SLC22A25: variants seen among roughly 807,000 people sequenced by gnomAD.
The protein encoded by SLC22A25 is solute carrier family 22 member 25.
SLC22A25 carries 44 observed loss-of-function variants against 45.9 expected under a neutral mutation model. The ratio of observed to expected loss-of-function variants is 0.96; its 90% CI spans 0.75 to 1.23. The LOEUF is 1.23. Ranked by LOEUF, SLC22A25 falls within the 50% of genes most tolerant of loss-of-function variation. SLC22A25 has a pLI of 0.00. For synonymous variants in SLC22A25, 283 were observed against 238.6 expected (o/e 1.19, Z -1.72); for missense variants, 800 against 666.4 (o/e 1.20, Z -2.21).
chr11:63,169,871 G>A (rs1465419849), intron 9 of SLC22A25, among the ~76,000 whole-genome samples: 1 of 152,120 alleles, frequency 6.6e-6, no homozygotes, highest in Non-Finnish European at 1.5e-5. Context: ...ATTCTTCTCA[G>A]CACCACATCG....
intron 9 of SLC22A25, among the ~76,000 whole-genome samples, chr11:63,179,113 T>G (rs540131227): frequency 3.9e-5 from 6 of 151,946 alleles, no homozygotes; most frequent in Non-Finnish European, 2.9e-5. Flanking sequence ...AGGGCCATGA[T>G]GCCCGGCTAA....
chr11:63,232,137 A>G (rs553464527), intron 3 of SLC22A25, among the ~76,000 whole-genome samples: 1 of 152,260 alleles, frequency 6.6e-6, no homozygotes, highest in Admixed American at 6.5e-5. Flanking sequence ...GTTCCATATG[A>G]ACTTTAAAGT....
chr11:63,218,820 T>C (rs534842968), intron 5 of SLC22A25, among the ~76,000 whole-genome samples: 2 of 152,246 alleles, frequency 1.3e-5, no homozygotes, highest in Non-Finnish European at 2.9e-5. Flanking sequence ...CAATGTGGCA[T>C]GTGGTGAGGC....
chr11:63,198,050 C>A (rs544292728), intron 7 of SLC22A25, among the ~76,000 whole-genome samples: 1 of 152,074 alleles, frequency 6.6e-6, no homozygotes, highest in African/African-American at 2.4e-5. Context: ...GTTAGAAAGG[C>A]GATCATTAAA....
At chr11:63,164,216 T>A (rs575671825) in intron 11 of SLC22A25, 143 bp from the exon 12 acceptor site, 1 of 1,150,420 alleles carries the variant, frequency 8.7e-7, no homozygotes, top group East Asian at 2.5e-5. Context: ...TTTCTCTTAT[T>A]TGCTAGCAAT....
chr11:63,188,849 A>G (rs2088675198), intron 7 of SLC22A25, among the ~76,000 whole-genome samples: 1 of 151,850 alleles, frequency 6.6e-6, no homozygotes, highest in African/African-American at 2.4e-5. Flanking sequence ...CATGTAGTTG[A>G]GTGGTTTTGA....
chr11:63,235,686 A>G (rs1240190154), intron 3 of SLC22A25, among the ~76,000 whole-genome samples: 1 of 152,176 alleles, frequency 6.6e-6, no homozygotes, highest in East Asian at 1.9e-4. Context: ...GTTGCTGGTG[A>G]GGAGCTGCGT....
rs754899150 is a variant in SLC22A25, at chr11:63,217,749, G to A, written c.507-14C>T. On this transcript the variant is annotated splice_polypyrimidine_tract_variant and intron_variant, in intron 5 of 11. Transcript: ENST00000306494. ...TTTCTCCCAAACCTGAGAAACAGGG[G>A]CACATTAGATAATGGGAACAATAAC... is the stretch of plus-strand genomic sequence containing the variant. The A allele has an allele frequency of 6.7e-5, 107 of 1,595,204 alleles. No homozygotes were observed. The Admixed American group carries it at 1.9e-3, about 29-fold the overall frequency.
rs780431818 is a variant in SLC22A25, at chr11:63,228,556, C to T, written c.411G>A (p.Leu137=). 1.2e-6 allele frequency: 2 copies of T among 1,612,860 alleles called. No individual in the cohort carries two copies. The highest frequency in any genetic ancestry group is 1.7e-6 in the Non-Finnish European group (2 of 1,179,358). Reference sequence around the variant, plus strand: ...AATTCAGTGGTTGAGATTCGCATACCAGATCCCACTGGAAGAAAAGGAAAC... The same window carrying T: ...AATTCAGTGGTTGAGATTCGCATACTAGATCCCACTGGAAGAAAAGGAAAC... The part of the protein sequence containing the change: ...FPSTIVTKWD[L]VCESQPLNSV... The change falls in exon 5 of 12, where the codon CTG becomes CTA. Residue 137 remains leucine (L), a synonymous_variant. Coordinates refer to ENST00000306494, the MANE Select transcript of SLC22A25 (RefSeq NM_199352.6).
chr11:63,189,778 G>T (rs1590825921), intron 7 of SLC22A25, among the ~76,000 whole-genome samples: 1 of 152,156 alleles, frequency 6.6e-6, no homozygotes, highest in Admixed American at 6.5e-5. Context: ...TGTGTGTAAA[G>T]GATTTTATTT....
intron 9 of SLC22A25, among the ~76,000 whole-genome samples, chr11:63,173,421 A>G (rs190109135): frequency 6.6e-5 from 10 of 152,286 alleles, no homozygotes; most frequent in African/African-American, 2.4e-4. Context: ...TTAATTATAT[A>G]TTCAACATAC....
chr11:63,232,630 TCTC>T (rs2090090878), intron 3 of SLC22A25, among the ~76,000 whole-genome samples: 1 of 152,158 alleles, frequency 6.6e-6, no homozygotes, highest in South Asian at 2.1e-4. Context: ...TTTATTCCCT[TCTC>T]CTGCCTGATT....
At chr11:63,202,091 G>T (rs184810844) in intron 7 of SLC22A25, among the ~76,000 whole-genome samples, 1 of 152,250 alleles carries the variant, frequency 6.6e-6, no homozygotes, top group Admixed American at 6.5e-5. Flanking sequence ...GGACTGTGCT[G>T]TGAGGGACGG....
chr11:63,233,187 T>C (rs957092454), intron 3 of SLC22A25, among the ~76,000 whole-genome samples: 2 of 152,230 alleles, frequency 1.3e-5, no homozygotes, highest in Non-Finnish European at 2.9e-5. Flanking sequence ...TTCTATTGAT[T>C]GTAGTACTTT....
At chr11:63,177,355 T>TGA (rs907475980) in intron 9 of SLC22A25, among the ~76,000 whole-genome samples, 2 of 1,764 alleles carry the variant, frequency 1.1e-3, no homozygotes, top group Non-Finnish European at 6.5e-3. Context: ...CATTTGAGTG[T>TGA]GTGTGTGTGT....
chr11:63,235,838 T>C (rs2090153652), intron 3 of SLC22A25, among the ~76,000 whole-genome samples: 9 of 152,232 alleles, frequency 5.9e-5, no homozygotes, highest in Admixed American at 5.9e-4. Context: ...ATGTCCTTTC[T>C]GTTTGTTAGT....
chr11:63,216,605 T>C (rs1215461784), intron 7 of SLC22A25, among the ~76,000 whole-genome samples: 1 of 152,172 alleles, frequency 6.6e-6, no homozygotes, highest in African/African-American at 2.4e-5. Flanking sequence ...CCATTATACT[T>C]AGCAAACTAA....
intron 7 of SLC22A25, among the ~76,000 whole-genome samples, chr11:63,210,093 G>A (rs917761447): frequency 2.0e-5 from 3 of 152,228 alleles, no homozygotes; most frequent in Non-Finnish European, 4.4e-5. Context: ...AAGGCTTTGC[G>A]AGGCATATAG....
At chr11:63,241,662 G>T (rs1387012327) in intron 1 of SLC22A25, among the ~76,000 whole-genome samples, 4 of 152,096 alleles carry the variant, frequency 2.6e-5, no homozygotes, top group African/African-American at 9.7e-5. Context: ...GACTATCAAG[G>T]CCCCCAGAGG....
Sources: gnomAD v4.1 joint callset for allele counts (sites outside exome capture counted in the v4.1 genomes callset) on GRCh38, gnomAD v4.1.1 for gene constraint, MANE v1.5 for transcripts, NCBI Gene and HGNC (gene_info 2026-07-23, HGNC 2026-07-21) for gene names.